MAF: variants seen among roughly 807,000 people sequenced by gnomAD.
MAF encodes transcription factor Maf.
Under a neutral mutation model 22.0 loss-of-function variants are expected in MAF, and 10 were observed. The observed-to-expected ratio is 0.45, with a 90% CI of 0.28 to 0.77. The LOEUF is 0.77. Among genes scored for constraint, MAF ranks in the 30% least tolerant of loss-of-function variants. The probability of loss-of-function intolerance (pLI) is 0.12; values close to 1 mark genes in which losing one functional copy is unlikely to be tolerated. For synonymous variants in MAF, 337 were observed against 255.8 expected, an observed-to-expected ratio of 1.32 and a Z score of -3.03; for missense variants, 544 against 548.4, an observed-to-expected ratio of 0.99 and a Z score of 0.08.
chr16:79,226,161 A>C, the MAF span, among the ~76,000 whole-genome samples: 1 of 152,238 alleles, frequency 6.6e-6, no homozygotes, highest in Non-Finnish European at 1.5e-5. Context: ...TGGATAAAGA[A>C]AATGTGGCAC....
chr16:79,595,514 TA>T (rs1913464362), intron 1 of MAF: 2 of 1,059,798 alleles, frequency 1.9e-6, no homozygotes, highest in Admixed American at 5.4e-5. Flanking sequence ...ATTGGTGTGC[TA>T]GGGGAAGATG....
At chr16:79,496,690 G>A in the MAF span, among the ~76,000 whole-genome samples, 2 of 152,198 alleles carry the variant, frequency 1.3e-5, no homozygotes, top group African/African-American at 2.4e-5. Context: ...CAGATGGCAG[G>A]ATCTAGAGAT....
chr16:79,410,202 G>A, the MAF span, among the ~76,000 whole-genome samples: 8 of 152,174 alleles, frequency 5.3e-5, no homozygotes, highest in Non-Finnish European at 7.3e-5. Flanking sequence ...ATTTCTGTAC[G>A]TCACTTCCCT....
the MAF span, among the ~76,000 whole-genome samples, chr16:79,563,153 G>C: frequency 2.0e-5 from 3 of 152,120 alleles, no homozygotes; most frequent in Non-Finnish European, 4.4e-5. Context: ...TAAAGCACTG[G>C]ACTTTCCAGA....
chr16:79,578,173 T>C, the MAF span, among the ~76,000 whole-genome samples: 1 of 152,250 alleles, frequency 6.6e-6, no homozygotes, highest in African/African-American at 2.4e-5. Flanking sequence ...ATTTATAAAT[T>C]TAACTCCTTG....
At chr16:79,214,283 C>A in the MAF span, among the ~76,000 whole-genome samples, 1 of 152,162 alleles carries the variant, frequency 6.6e-6, no homozygotes, top group South Asian at 2.1e-4. Flanking sequence ...GCCACAGTAC[C>A]TTGAACTGCT....
the MAF span, among the ~76,000 whole-genome samples, chr16:79,576,147 A>G: frequency 6.6e-6 from 1 of 151,526 alleles, no homozygotes; most frequent in Non-Finnish European, 1.5e-5. Context: ...TTTTCTGATT[A>G]ATAAAATGAA....
the MAF span, among the ~76,000 whole-genome samples, chr16:79,207,360 T>C: frequency 2.0e-5 from 3 of 152,362 alleles, no homozygotes; most frequent in South Asian, 6.2e-4. Context: ...ACCTGCTCAC[T>C]TCAGATCACC....
At chr16:79,400,279 G>C in the MAF span, among the ~76,000 whole-genome samples, 4 of 152,208 alleles carry the variant, frequency 2.6e-5, no homozygotes, top group Non-Finnish European at 5.9e-5. Flanking sequence ...TGGGGTGGTA[G>C]GGTAAGGATC....
the MAF span, among the ~76,000 whole-genome samples, chr16:79,384,451 GAAA>G: frequency 9.1e-6 from 1 of 109,784 alleles, no homozygotes. Context: ...GTCTCAAAAA[GAAA>G]AAAAAAAAAA....
the MAF span, among the ~76,000 whole-genome samples, chr16:79,412,422 C>G: frequency 6.6e-6 from 1 of 152,320 alleles, no homozygotes; most frequent in East Asian, 1.9e-4. Flanking sequence ...ACAGCCTTGA[C>G]AGACATTGGT....
chr16:79,515,266 G>A, the MAF span, among the ~76,000 whole-genome samples: 2 of 152,166 alleles, frequency 1.3e-5, no homozygotes, highest in Admixed American at 6.5e-5. Flanking sequence ...CTATGCTGGC[G>A]ATTAGTGCCA....
chr16:79,573,124 T>C, the MAF span, among the ~76,000 whole-genome samples: 1 of 152,240 alleles, frequency 6.6e-6, no homozygotes, highest in Non-Finnish European at 1.5e-5. Flanking sequence ...TTAGGTCATT[T>C]ATCTTCTTAT....
chr16:79,228,506 T>A, the MAF span, among the ~76,000 whole-genome samples: 1 of 152,054 alleles, frequency 6.6e-6, no homozygotes, highest in Admixed American at 6.6e-5. Flanking sequence ...CTTCACAAAT[T>A]GGCCTGGATC....
At chr16:79,547,032 G>A in the MAF span, among the ~76,000 whole-genome samples, 20 of 152,146 alleles carry the variant, frequency 1.3e-4, no homozygotes, top group Non-Finnish European at 2.5e-4. Flanking sequence ...TGCCAGACAT[G>A]GTCACAGGAC....
chr16:79,240,487 G>GAAA, the MAF span, among the ~76,000 whole-genome samples: 49 of 60,728 alleles, frequency 8.1e-4, 6 homozygotes, highest in Non-Finnish European at 1.4e-3. Flanking sequence ...AGCATCTCTG[G>GAAA]AAAAAAAAAA....
At chr16:79,358,236 C>T in the MAF span, among the ~76,000 whole-genome samples, 1 of 152,192 alleles carries the variant, frequency 6.6e-6, no homozygotes, top group Non-Finnish European at 1.5e-5. Context: ...ATCCTGCTCA[C>T]TGGCTTCGGC....
chr16:79,502,702 A>AATATAAATATATATATAT, the MAF span, among the ~76,000 whole-genome samples: 1 of 86,538 alleles, frequency 1.2e-5, no homozygotes, highest in African/African-American at 8.1e-5. Context: ...TATAAATATA[A>AATATAAATATATATATAT]ATATAAATAT....
the MAF span, among the ~76,000 whole-genome samples, chr16:79,448,899 T>C: frequency 6.6e-6 from 1 of 152,096 alleles, no homozygotes; most frequent in Non-Finnish European, 1.5e-5. Flanking sequence ...AGGGATGGTT[T>C]GGGGATGCTT....
Sources: gnomAD v4.1 joint callset for allele counts (sites outside exome capture counted in the v4.1 genomes callset) on GRCh38, gnomAD v4.1.1 for gene constraint, MANE v1.5 for transcripts, NCBI Gene and HGNC (gene_info 2026-07-23, HGNC 2026-07-21) for gene names.